Variants in LINGO2 observed in about 807,000 individuals in gnomAD.
LINGO2 encodes the protein leucine rich repeat and Ig domain containing 2, also known as leucine-rich repeat and immunoglobulin-like domain-containing nogo receptor-interacting protein 2.
Under a neutral mutation model 30.6 loss-of-function variants are expected in LINGO2, and 14 were observed. The observed-to-expected ratio is 0.46, with a 90% confidence interval of 0.30 to 0.72. The LOEUF is 0.72. Ranked by LOEUF, LINGO2 falls within the 30% of genes least tolerant of loss-of-function variation. LINGO2 has a pLI of 0.07. For synonymous variants in LINGO2, 317 were observed against 288.5 expected (o/e 1.10, Z -1.00); for missense variants, 729 against 751.7 (o/e 0.97, Z 0.35).
At chr9:28,213,920 T>A (rs1010719071) in intron 4 of LINGO2, among the ~76,000 whole-genome samples, 1 of 151,556 alleles carries the variant, frequency 6.6e-6, no homozygotes, top group African/African-American at 2.4e-5. Context: ...CCTAATTCAA[T>A]CCTCAATTTT....
the LINGO2 span, among the ~76,000 whole-genome samples, chr9:29,054,275 A>G: frequency 3.3e-3 from 498 of 152,290 alleles, 5 homozygotes; most frequent in South Asian, 0.017. Flanking sequence ...CTCAAATTTC[A>G]ATGCTTATAT....
chr9:28,849,466 TTTA>T, the LINGO2 span, among the ~76,000 whole-genome samples: 6 of 152,024 alleles, frequency 3.9e-5, no homozygotes, highest in Non-Finnish European at 8.8e-5. Context: ...AGACTTTCTG[TTTA>T]TTAGAGTTTA....
At chr9:28,234,084 C>T (rs778557575) in intron 4 of LINGO2, among the ~76,000 whole-genome samples, 21 of 152,066 alleles carry the variant, frequency 1.4e-4, no homozygotes, top group Non-Finnish European at 2.9e-4. Flanking sequence ...TTGTCTTGGA[C>T]CTTAGTACCA....
At chr9:28,179,267 A>T (rs1828832731) in intron 4 of LINGO2, among the ~76,000 whole-genome samples, 1 of 146,906 alleles carries the variant, frequency 6.8e-6, no homozygotes, top group Non-Finnish European at 1.5e-5. Context: ...TAGATACTAT[A>T]TATAAAAATA....
the LINGO2 span, among the ~76,000 whole-genome samples, chr9:28,861,263 A>T: frequency 8.2e-6 from 1 of 121,872 alleles, no homozygotes; most frequent in Admixed American, 1.1e-4. Context: ...ATATTATATA[A>T]AATATATAAT....
chr9:28,743,445 G>T, the LINGO2 span, among the ~76,000 whole-genome samples: 5 of 151,580 alleles, frequency 3.3e-5, 1 homozygote, highest in South Asian at 6.2e-4. Flanking sequence ...TTGGTTTTCT[G>T]CTCCTGTGCT....
chr9:28,551,502 C>T (rs184588833), intron 1 of LINGO2, among the ~76,000 whole-genome samples: 1 of 151,750 alleles, frequency 6.6e-6, no homozygotes, highest in Admixed American at 6.6e-5. Flanking sequence ...TCTAAAATAA[C>T]AATATTTTAA....
At chr9:28,753,323 A>C in the LINGO2 span, among the ~76,000 whole-genome samples, 3 of 152,000 alleles carry the variant, frequency 2.0e-5, no homozygotes, top group South Asian at 6.2e-4. Flanking sequence ...CTTATATTTT[A>C]AAAATCTTCT....
At chr9:29,058,743 G>T in the LINGO2 span, among the ~76,000 whole-genome samples, 1 of 151,704 alleles carries the variant, frequency 6.6e-6, no homozygotes, top group Non-Finnish European at 1.5e-5. Flanking sequence ...ACCAAATACA[G>T]GGAAGGAATG....
At chr9:28,658,259 C>T (rs937848082) in intron 1 of LINGO2, among the ~76,000 whole-genome samples, 8 of 152,018 alleles carry the variant, frequency 5.3e-5, no homozygotes, top group African/African-American at 1.2e-4. Context: ...TGTTAAGTCA[C>T]ATTGGTGTAT....
intron 1 of LINGO2, among the ~76,000 whole-genome samples, chr9:28,500,019 C>T (rs1173198348): frequency 1.3e-5 from 2 of 152,168 alleles, no homozygotes; most frequent in Non-Finnish European, 2.9e-5. Context: ...CTTGATACTG[C>T]TTTTCCCCTT....
At chr9:28,347,438 A>G (rs1819632442) in intron 3 of LINGO2, among the ~76,000 whole-genome samples, 1 of 151,572 alleles carries the variant, frequency 6.6e-6, no homozygotes, top group Non-Finnish European at 1.5e-5. Flanking sequence ...AGTGATACAC[A>G]CACACACACA....
intron 2 of LINGO2, among the ~76,000 whole-genome samples, chr9:28,374,478 A>C (rs1821044063): frequency 6.6e-6 from 1 of 152,096 alleles, no homozygotes; most frequent in African/African-American, 2.4e-5. Flanking sequence ...CAAAAACCAA[A>C]CAAAACACAA....
intron 1 of LINGO2, among the ~76,000 whole-genome samples, chr9:28,519,755 G>A (rs1820761375): frequency 6.6e-6 from 1 of 152,012 alleles, no homozygotes; most frequent in East Asian, 1.9e-4. Context: ...CTCACTACTG[G>A]GGTTTTTGAC....
intron 1 of LINGO2, among the ~76,000 whole-genome samples, chr9:28,632,856 T>TTATATATA (rs543651831): frequency 1.1e-5 from 1 of 93,678 alleles, no homozygotes; most frequent in South Asian, 3.2e-4. Context: ...TATATATTTT[T>TTATATATA]TATATATATA....
At chr9:28,998,447 C>T in the LINGO2 span, among the ~76,000 whole-genome samples, 3 of 152,058 alleles carry the variant, frequency 2.0e-5, no homozygotes, top group African/African-American at 7.2e-5. Context: ...AATATGTAAT[C>T]TATTGATCTA....
At chr9:27,971,549 A>AT (rs1028756072) in intron 5 of LINGO2, among the ~76,000 whole-genome samples, 2 of 151,670 alleles carry the variant, frequency 1.3e-5, no homozygotes, top group South Asian at 2.1e-4. Flanking sequence ...CGCCTGGCTA[A>AT]TTTTTTTTCT....
chr9:28,048,252 A>G (rs948949861), intron 4 of LINGO2, among the ~76,000 whole-genome samples: 8 of 151,014 alleles, frequency 5.3e-5, no homozygotes, highest in Non-Finnish European at 8.8e-5. Flanking sequence ...AAACTCGGGA[A>G]ACACATTGCC....
intron 4 of LINGO2, among the ~76,000 whole-genome samples, chr9:28,053,343 G>A (rs1208925737): frequency 6.6e-6 from 1 of 151,990 alleles, no homozygotes; most frequent in Non-Finnish European, 1.5e-5. Context: ...GCAAGGGAGA[G>A]AGTCGTAAGA....
Sources: allele counts gnomAD v4.1 joint callset (sites outside exome capture counted in the v4.1 genomes callset), GRCh38; gene constraint gnomAD v4.1.1; transcripts MANE v1.5; gene names NCBI Gene and HGNC (gene_info 2026-07-23, HGNC 2026-07-21).